The following FEZF2 variants were observed in gnomAD, a reference collection of about 807,000 sequenced individuals.
FEZF2 encodes the protein fez family zinc finger protein 2.
A neutral mutation model predicts 32.8 loss-of-function variants in FEZF2; 2 were observed. That is an observed-to-expected ratio of 0.06 (90% CI 0.02 to 0.19). The LOEUF is 0.19. Among genes scored for constraint, FEZF2 ranks in the 10% least tolerant of loss-of-function variants. FEZF2 has a pLI of 1.00. For synonymous variants in FEZF2, 322 were observed against 284.8 expected, an observed-to-expected ratio of 1.13 and a Z score of -1.32; for missense variants, 516 against 625.4, an observed-to-expected ratio of 0.83 and a Z score of 1.87.
chr3:62,373,107 A>C lies in FEZF2; in HGVS notation c.-59+172T>G. The stretch of plus-strand genomic sequence containing the variant: ...CCAGCCCCTGCCCTGGGACTTTGAA[A>C]GGGGGAAGAAGGGGGAGGGTTTACA... On this transcript the variant is annotated intron_variant, in intron 1 of 4. Transcript: ENST00000283268. This position sits in a 1 kb window ranked among gnomAD's most constrained non-coding sequence, Gnocchi z 5.5. The C allele has an allele frequency of 4.4e-5, 9 of 205,512 alleles. No homozygotes were observed. Among genetic ancestry groups the C allele is most frequent in the East Asian group, 1.5e-4 (2 of 13,142 alleles). 12.7% of individuals were successfully genotyped at this position (205,512 alleles called of 1,614,324 possible).
rs1704250896 is a variant in FEZF2 at position 62,370,309 on chromosome 3, C to A, written c.1154G>T (p.Gly385Val). Residue 385 changes from glycine to valine, a missense_variant, in exon 5 of 5, where the codon GGC (glycine) becomes GTC (valine). By Grantham distance (109) the Gly-to-Val change is moderately radical (BLOSUM62 -3). This residue lies in a region of FEZF2 where 79 missense variants were observed against 219.4 expected (regional missense o/e 0.36). Coordinates refer to ENST00000283268, the MANE Select transcript of FEZF2 (RefSeq NM_018008.4). This position sits in a 1 kb window ranked among gnomAD's most constrained non-coding sequence, Gnocchi z 4.2. The part of the protein sequence containing the change: ...NYKNHKLTHS[G>V]EKQYKCTICN... Reference sequence around the variant, plus strand: ...GATGGTACATTTGTACTGCTTCTCGCCGCTGTGGGTCAGCTTGTGGTTCTT... The same window carrying A: ...GATGGTACATTTGTACTGCTTCTCGACGCTGTGGGTCAGCTTGTGGTTCTT... The A allele has an allele frequency of 6.2e-7, 1 of 1,614,118 alleles. No individual in the cohort carries two copies. The highest frequency in any genetic ancestry group is 1.1e-5 in the South Asian group (1 of 91,090).
At position 62,372,495 on chromosome 3, in the gene FEZF2, C is replaced by A. The variant is rs773579944; in HGVS notation, c.374G>T (p.Gly125Val). The A allele has an allele frequency of 3.5e-5, 52 of 1,474,584 alleles. No individual in the cohort carries two copies. The highest frequency in any genetic ancestry group is 6.9e-5 in the Admixed American group (3 of 43,332). 91.3% of individuals were successfully genotyped at this position (1,474,584 alleles called of 1,614,324 possible). A position where few individuals can be genotyped will look rare whatever the true frequency, so the allele number is the denominator to read the frequency against. The change falls in exon 2 of 5, where the codon GGC (glycine) becomes GTC (valine). Residue 125 changes from glycine (G) to valine (V), a missense_variant. Coordinates refer to ENST00000283268, the MANE Select transcript of FEZF2 (RefSeq NM_018008.4). This position sits in a 1 kb window ranked among gnomAD's most constrained non-coding sequence, Gnocchi z 9.6. ...CACGCCACAGTTGGTTTTGCACAAG[C>A]CGCTGGCGCCGCACACTGGGGCCCC... ...GGGAPVCGAS[G>V]LCKTNCGVCC...
At chr3:62,371,466 TC>T in intron 3 of FEZF2, 66 bp downstream of exon 3, 2 of 1,578,260 alleles carry the variant, frequency 1.3e-6, no homozygotes, top group Non-Finnish European at 1.7e-6. Flanking sequence ...GGCCATCGTA[TC>T]CCCGGTGTTA....
chr3:62,371,706 C>T (rs769355855), intron 2 of FEZF2, 39 bp from the exon 3 acceptor site: 2 of 1,581,962 alleles, frequency 1.3e-6, no homozygotes, highest in African/African-American at 1.3e-5. Context: ...TGCGTCTGTC[C>T]GAGGGCCTAC....
At position 62,372,201 on chromosome 3, in the gene FEZF2, G is replaced by T; in HGVS notation, c.668C>A (p.Ala223Glu). ...GGGAGCCGGGTGGGGGAACTTGTCC[G>T]CAGCCAGGCCGGCCAGCTTGGCGTT... ...LENAKLAGLA[A>E]DKFPHPAPYP... The change falls in exon 2 of 5, where the codon GCG (alanine) becomes GAG (glutamate). Residue 223 changes from alanine (A) to glutamate (E), a missense_variant. Around this residue, in one of 3 missense-constraint regions of FEZF2, gnomAD observed 408 missense variants for 382.2 expected, o/e 1.07. Coordinates refer to ENST00000283268, the MANE Select transcript of FEZF2 (RefSeq NM_018008.4). The surrounding 1 kb of genome is among the most constrained non-coding windows in gnomAD (Gnocchi z 9.6). 6.3e-7 allele frequency: 1 copy of T among 1,576,874 alleles called. No individual in the cohort carries two copies. The highest frequency in any genetic ancestry group is 8.6e-7 in the Non-Finnish European group (1 of 1,161,126).
In FEZF2 at chr3:62,369,990, A is replaced by AT; in HGVS notation, c.*92_*93insA. ...AAATAGATTTTAGCCTCTCTGCTAT[A>AT]GTTTTTTTTTCTTTTAATTTTAGAA... On this transcript the variant is annotated 3_prime_UTR_variant, in exon 5 of 5. Transcript: ENST00000283268. This position sits in a 1 kb window ranked among gnomAD's most constrained non-coding sequence, Gnocchi z 4.2. The AT allele has an allele frequency of 1.9e-6, 2 of 1,070,298 alleles. No homozygotes were observed. The highest frequency in any genetic ancestry group is 2.6e-6 in the Non-Finnish European group (2 of 757,010). 66.3% of individuals were successfully genotyped at this position (1,070,298 alleles called of 1,614,324 possible). A position where few individuals can be genotyped will look rare whatever the true frequency, so the allele number is the denominator to read the frequency against.
At position 62,370,262 on chromosome 3, in the gene FEZF2, C is replaced by A; in HGVS notation, c.1201G>T (p.Val401Phe). Residue 401 changes from valine to phenylalanine, a missense_variant, in exon 5 of 5, where the codon GTC becomes TTC. Coordinates refer to ENST00000283268, the MANE Select transcript of FEZF2 (RefSeq NM_018008.4). This position sits in a 1 kb window ranked among gnomAD's most constrained non-coding sequence, Gnocchi z 4.2. Reference protein sequence around the residue: ...CTICNKAFHQVYNLTFHMHTH... With the variant: ...CTICNKAFHQFYNLTFHMHTH... ...TGCATATGGAAGGTTAGGTTGTAGA[C>A]CTGGTGGAAGGCCTTGTTGCAGATG... 6.2e-7 allele frequency: 1 copy of A among 1,614,164 alleles called. No individual in the cohort carries two copies. Among genetic ancestry groups the A allele is most frequent in the South Asian group, 1.1e-5 (1 of 91,088 alleles).
rs1474375537 is a variant in FEZF2, at chr3:62,370,784, A to G, written c.1120+433T>C. On this transcript the variant is annotated intron_variant, in intron 4 of 4. Coordinates refer to ENST00000283268, the MANE Select transcript of FEZF2 (RefSeq NM_018008.4). The surrounding 1 kb of genome is among the most constrained non-coding windows in gnomAD (Gnocchi z 4.2). ...CCCCCAACTACCAACTGAAGATCCA[A>G]AAGTGCCTTGGAAAATCCGATCCAG... Among the ~76,000 whole-genome samples the G allele has an allele frequency of 1.3e-5, 2 of 152,186 alleles. No homozygotes were observed. Among genetic ancestry groups the G allele is most frequent in the African/African-American group, 2.4e-5 (1 of 41,440 alleles).
chr3:62,372,776 G>A lies in FEZF2; in HGVS notation c.93C>T (p.Ser31=). 1 of 1,598,680 alleles carries A rather than the reference G, an allele frequency of 6.3e-7. No homozygotes were observed. The highest frequency in any genetic ancestry group is 8.5e-7 in the Non-Finnish European group (1 of 1,172,324). The change falls in exon 2 of 5, where the codon TCC becomes TCT. Residue 31 remains serine, a synonymous_variant. Transcript: ENST00000283268. The surrounding 1 kb of genome is among the most constrained non-coding windows in gnomAD (Gnocchi z 9.6). ...SPATSKTLAF[S]IERIMAKTSE... ...ACGTCTTGGCCATGATGCGCTCGATGGAAAAGGCCAGTGTCTTGGAAGTGG... is the reference window on the plus strand; with the variant it reads ...ACGTCTTGGCCATGATGCGCTCGATAGAAAAGGCCAGTGTCTTGGAAGTGG...
At position 62,369,971 on chromosome 3, in the gene FEZF2, A is replaced by G. The variant is rs1481937517; in HGVS notation, c.*112T>C. The G allele has an allele frequency of 3.1e-6, 4 of 1,306,158 alleles. No homozygotes were observed. Among genetic ancestry groups the G allele is most frequent in the South Asian group, 1.7e-5 (1 of 60,312 alleles). 80.9% of individuals were successfully genotyped at this position (1,306,158 alleles called of 1,614,324 possible). Reference sequence around the variant, plus strand: ...AAAATATGCTGGTTTCGATAAATAGATTTTAGCCTCTCTGCTATAGTTTTT... The same window carrying G: ...AAAATATGCTGGTTTCGATAAATAGGTTTTAGCCTCTCTGCTATAGTTTTT... On this transcript the variant is annotated 3_prime_UTR_variant, in exon 5 of 5. Coordinates refer to ENST00000283268, the MANE Select transcript of FEZF2 (RefSeq NM_018008.4). The surrounding 1 kb of genome is among the most constrained non-coding windows in gnomAD (Gnocchi z 4.2).
chr3:62,371,446 G>T, intron 3 of FEZF2, 87 bp downstream of exon 3: 1 of 1,577,700 alleles, frequency 6.3e-7, no homozygotes, highest in Non-Finnish European at 8.6e-7. Context: ...GAGGGTAAGG[G>T]ATAATCTTTG....
chr3:62,371,806 A>C, intron 2 of FEZF2, 139 bp from the exon 3 acceptor site: 2 of 1,420,282 alleles, frequency 1.4e-6, no homozygotes, highest in Non-Finnish European at 1.9e-6. Flanking sequence ...AGTGCTGCCC[A>C]AACTCCTGCT....
At position 62,370,998 on chromosome 3, in the gene FEZF2, G is replaced by C. The variant is rs532366104; in HGVS notation, c.1120+219C>G. ...TGCTTCCTTCGACCTCTCGAATTCG[G>C]AGTCTCTCAGTGCACCCAGCCTGCA... On this transcript the variant is annotated intron_variant, in intron 4 of 4. Transcript: ENST00000283268. This position sits in a 1 kb window ranked among gnomAD's most constrained non-coding sequence, Gnocchi z 4.2. Among the ~76,000 whole-genome samples, 2 of 152,112 alleles carry C rather than the reference G, an allele frequency of 1.3e-5. No individual in the cohort carries two copies. The highest frequency in any genetic ancestry group is 1.3e-4 in the Admixed American group (2 of 15,276).
At position 62,370,998 on chromosome 3, in the gene FEZF2, G is replaced by T. The variant is rs532366104; in HGVS notation, c.1120+219C>A. ...TGCTTCCTTCGACCTCTCGAATTCG[G>T]AGTCTCTCAGTGCACCCAGCCTGCA... is the stretch of plus-strand genomic sequence containing the variant. On this transcript the variant is annotated intron_variant, in intron 4 of 4. Transcript: ENST00000283268. This position sits in a 1 kb window ranked among gnomAD's most constrained non-coding sequence, Gnocchi z 4.2. Among the ~76,000 whole-genome samples, 2 of 152,230 alleles carry T rather than the reference G, an allele frequency of 1.3e-5. No homozygotes were observed. The highest frequency in any genetic ancestry group is 4.2e-4 in the South Asian group (2 of 4,816).
At position 62,369,929 on chromosome 3, in the gene FEZF2, A is replaced by G; in HGVS notation, c.*154T>C. On this transcript the variant is annotated 3_prime_UTR_variant, in exon 5 of 5. Coordinates refer to ENST00000283268, the MANE Select transcript of FEZF2 (RefSeq NM_018008.4). This position sits in a 1 kb window ranked among gnomAD's most constrained non-coding sequence, Gnocchi z 4.2. ...ACGAGTTTGCTGCCAGTCATCGAGG[A>G]AACATTTAGCTTTCCAAAAATATGC... The G allele has an allele frequency of 1.1e-6, 1 of 943,098 alleles. No homozygotes were observed. Among genetic ancestry groups the G allele is most frequent in the Non-Finnish European group, 1.5e-6 (1 of 665,364 alleles). 58.4% of individuals were successfully genotyped at this position (943,098 alleles called of 1,614,324 possible).
Position 62,372,872 on chromosome 3 carries a change from G to T in FEZF2, c.-4C>A. On this transcript the variant is annotated 5_prime_UTR_variant, in exon 2 of 5. Coordinates refer to ENST00000283268, the MANE Select transcript of FEZF2 (RefSeq NM_018008.4). This position sits in a 1 kb window ranked among gnomAD's most constrained non-coding sequence, Gnocchi z 9.6. ...CCAGGGAAGCCGAGCTTGCCATGGC[G>T]CGCGGAGCTGAGCCGAGCCAGGCTG... 2.8e-6 allele frequency: 4 copies of T among 1,422,840 alleles called. No homozygotes were observed. The highest frequency in any genetic ancestry group is 2.8e-6 in the Non-Finnish European group (3 of 1,079,804). The allele number at this position is 1,422,840 out of a possible 1,614,324, so 88.1% of individuals were successfully genotyped here.
rs1559836996 is a variant in FEZF2, at chr3:62,372,360, T to C, written c.509A>G (p.Tyr170Cys). The change falls in exon 2 of 5, where the codon TAC becomes TGC. Residue 170 changes from tyrosine to cysteine, a missense_variant. Coordinates refer to ENST00000283268, the MANE Select transcript of FEZF2 (RefSeq NM_018008.4). The surrounding 1 kb of genome is among the most constrained non-coding windows in gnomAD (Gnocchi z 9.6). ...AVGLPASGSL[Y>C]YFNYLDSTAY... ...GGTCGAGTCCAGGTAGTTGAAGTAG[T>C]AGAGCGAGCCGCTGGCCGGCAGCCC... 2 of 1,610,330 alleles carry C rather than the reference T, an allele frequency of 1.2e-6. No individual in the cohort carries two copies. The highest frequency in any genetic ancestry group is 1.7e-6 in the Non-Finnish European group (2 of 1,179,624).
intron 2 of FEZF2, 142 bp from the exon 3 acceptor site, chr3:62,371,809 C>T (rs1704273691): frequency 7.1e-7 from 1 of 1,408,326 alleles, no homozygotes; most frequent in Non-Finnish European, 9.5e-7. Flanking sequence ...GCTGCCCAAA[C>T]TCCTGCTTAC....
chr3:62,372,382 G>T lies in FEZF2; in HGVS notation c.487C>A (p.Leu163Met). 1 of 1,611,482 alleles carries T rather than the reference G, an allele frequency of 6.2e-7. No individual in the cohort carries two copies. Reference protein sequence around the residue: ...KPQVINQAVGLPASGSLYYFN... With the variant: ...KPQVINQAVGMPASGSLYYFN... ...TAGTAGAGCGAGCCGCTGGCCGGCAGCCCCACAGCCTGGTTGATGACCTGC... is the reference window on the plus strand; with the variant it reads ...TAGTAGAGCGAGCCGCTGGCCGGCATCCCCACAGCCTGGTTGATGACCTGC... Residue 163 changes from leucine to methionine, a missense_variant, in exon 2 of 5, where the codon CTG becomes ATG. Transcript: ENST00000283268. The surrounding 1 kb of genome is among the most constrained non-coding windows in gnomAD (Gnocchi z 9.6).
Sources: gnomAD v4.1 joint callset for allele counts (sites outside exome capture counted in the v4.1 genomes callset) on GRCh38, gnomAD v4.1.1 for gene constraint, gnomAD v4.1.1 regional missense constraint, Gnocchi (gnomAD v3.1) non-coding constraint, MANE v1.5 for transcripts, NCBI Gene and HGNC (gene_info 2026-07-23, HGNC 2026-07-21) for gene names.